The following LIG4 variants were observed in gnomAD, a reference collection of about 807,000 sequenced individuals.
LIG4 encodes DNA joinase.
LIG4 carries 13 observed loss-of-function variants against 19.0 expected under a neutral mutation model. The ratio of observed to expected loss-of-function variants is 0.68; its 90% confidence interval spans 0.44 to 1.09. The LOEUF (loss-of-function observed/expected upper bound fraction) is 1.09, where lower values mean the gene tolerates loss of function less well. Among genes scored for constraint, LIG4 ranks in the 50% least tolerant of loss-of-function variants. The pLI, the probability that LIG4 is intolerant of heterozygous loss-of-function variation, is 0.00. For missense variants in LIG4, 1,026 were observed against 1,089.7 expected, an observed-to-expected ratio of 0.94 and a Z score of 0.82; for synonymous variants, 361 against 358.2, an observed-to-expected ratio of 1.01 and a Z score of -0.09.
rs141316672 is a variant in LIG4, at chr13:108,210,024, A to T, written c.1245T>A (p.Ile415=). 5.0e-6 allele frequency: 8 copies of T among 1,612,170 alleles called. No homozygotes were observed. Among genetic ancestry groups the T allele is most frequent in the Non-Finnish European group, 6.8e-6 (8 of 1,179,970 alleles). The change falls in exon 3 of 3, where the codon ATT becomes ATA. Residue 415 remains isoleucine, a synonymous_variant. Coordinates refer to ENST00000442234, the MANE Select transcript of LIG4 (RefSeq NM_206937.2). ...KTQAHTKNEV[I]DALNEAIDKR... ...TATCTATTGCTTCATTCAATGCATC[A>T]ATTACTTCATTCTTAGTATGAGCTT...
Position 108,211,154 on chromosome 13 carries a change from A to C in LIG4, c.115T>G (p.Phe39Val). ...SKGRAEKIRH[F>V]REFLDSWRKF... Reference sequence around the variant, plus strand: ...CTCCAAGAATCTAAAAATTCCCTGAAGTGTCTGATTTTTTCTGCACGTCCT... The same window carrying C: ...CTCCAAGAATCTAAAAATTCCCTGACGTGTCTGATTTTTTCTGCACGTCCT... The change falls in exon 3 of 3, where the codon TTC (phenylalanine) becomes GTC (valine). Residue 39 changes from phenylalanine (F) to valine (V), a missense_variant. By Grantham distance (50) the Phe-to-Val change is conservative (BLOSUM62 -1). Transcript: ENST00000442234. 6.2e-7 allele frequency: 1 copy of C among 1,613,414 alleles called. No individual in the cohort carries two copies. The highest frequency in any genetic ancestry group is 1.3e-5 in the African/African-American group (1 of 75,030).
Position 108,209,097 on chromosome 13 carries a change from T to A in LIG4, c.2172A>T (p.Ala724=). 6.2e-7 allele frequency: 1 copy of A among 1,614,208 alleles called. No homozygotes were observed. The highest frequency in any genetic ancestry group is 8.5e-7 in the Non-Finnish European group (1 of 1,180,030). The change falls in exon 3 of 3, where the codon GCA becomes GCT. Residue 724 remains alanine (A), a synonymous_variant. Transcript: ENST00000442234. Reference sequence around the variant, plus strand: ...TGGTCTTAAAACATTCTAAAAGCCATGCAGGCTTGACAACATCATGTTTAT... The same window carrying A: ...TGGTCTTAAAACATTCTAAAAGCCAAGCAGGCTTGACAACATCATGTTTAT... The part of the protein sequence containing the change: ...LSNKHDVVKP[A]WLLECFKTKS...
Position 108,209,150 on chromosome 13 carries a change from T to A in LIG4, c.2119A>T (p.Ile707Phe), listed in dbSNP as rs370991186. 30 of 1,614,098 alleles carry A rather than the reference T, an allele frequency of 1.9e-5. No individual in the cohort carries two copies. Among genetic ancestry groups the A allele is most frequent in the Non-Finnish European group, 2.3e-5 (27 of 1,180,036 alleles). Reference protein sequence around the residue: ...TYCVIAGSENIRVKNIILSNK... With the variant: ...TYCVIAGSENFRVKNIILSNK... ...GACAAAATTATGTTTTTCACTCTGA[T>A]GTTCTCAGACCCTGCAATTACACAG... The change falls in exon 3 of 3, where the codon ATC becomes TTC. Residue 707 changes from isoleucine to phenylalanine, a missense_variant. Physicochemically the swap from Ile to Phe is conservative, Grantham distance 21. Around this residue, in one of 3 missense-constraint regions of LIG4, gnomAD observed 521 missense variants for 515.5 expected, o/e 1.01. Coordinates refer to ENST00000442234, the MANE Select transcript of LIG4 (RefSeq NM_206937.2).
At position 108,210,875 on chromosome 13, in the gene LIG4, C is replaced by A. The variant is rs370586288; in HGVS notation, c.394G>T (p.Val132Leu). The A allele has an allele frequency of 5.0e-6, 8 of 1,613,896 alleles. No homozygotes were observed. The Admixed American group carries it at 5.0e-5, about 10-fold the overall frequency. The change falls in exon 3 of 3, where the codon GTG (valine) becomes TTG (leucine). Residue 132 changes from valine to leucine, a missense_variant. This residue lies in a region of LIG4 where 493 missense variants were observed against 544.5 expected (regional missense o/e 0.91). Coordinates refer to ENST00000442234, the MANE Select transcript of LIG4 (RefSeq NM_206937.2). ...AGDFAMIAYF[V>L]LKPRCLQKGS... ...TTCTGTAAACATCTTGGCTTCAACA[C>A]AAAATATGCAATCATTGCAAAGTCT...
In LIG4 at chr13:108,209,480, C is replaced by T. The variant is rs752175319; in HGVS notation, c.1789G>A (p.Asp597Asn). The T allele has an allele frequency of 1.8e-5, 29 of 1,614,022 alleles. No homozygotes were observed. The highest frequency in any genetic ancestry group is 8.5e-7 in the Non-Finnish European group (1 of 1,180,032). The change falls in exon 3 of 3, where the codon GAC (aspartate) becomes AAC (asparagine). Residue 597 changes from aspartate to asparagine, a missense_variant. This residue lies in a region of LIG4 where 521 missense variants were observed against 515.5 expected (regional missense o/e 1.01). Coordinates refer to ENST00000442234, the MANE Select transcript of LIG4 (RefSeq NM_206937.2). Reference sequence around the variant, plus strand: ...TTCCCCCTAAGTTGTTCTAGGTCGTCCAGGGTCATGCACTCATGCCACTCC... The same window carrying T: ...TTCCCCCTAAGTTGTTCTAGGTCGTTCAGGGTCATGCACTCATGCCACTCC... ...DKEWHECMTL[D>N]DLEQLRGKAS...
At chr13:108,216,823 G>C (rs781040456), upstream of LIG4, among the ~76,000 whole-genome samples, 1 of 152,194 alleles carries the variant, frequency 6.6e-6, no homozygotes, top group African/African-American at 2.4e-5. Flanking sequence ...CATGAATTAT[G>C]AAACCAGGCA....
intron 2 of LIG4, among the ~76,000 whole-genome samples, chr13:108,211,653 C>T (rs1181102424): frequency 6.6e-6 from 1 of 152,130 alleles, no homozygotes; most frequent in African/African-American, 2.4e-5. Context: ...AAAAACTCAT[C>T]AGGCTTAATT....
chr13:108,215,846 C>T (rs1254279195), upstream of LIG4, among the ~76,000 whole-genome samples: 1 of 152,134 alleles, frequency 6.6e-6, no homozygotes, highest in African/African-American at 2.4e-5. Flanking sequence ...GTTCTCTGTA[C>T]GTAAAACAGT....
intron 2 of LIG4, among the ~76,000 whole-genome samples, chr13:108,214,251 G>A (rs1878974574): frequency 6.6e-6 from 1 of 152,162 alleles, no homozygotes; most frequent in Non-Finnish European, 1.5e-5. Flanking sequence ...AGGAAACAAA[G>A]GGTTTACAGC....
At chr13:108,213,713 G>A (rs1329475560) in intron 2 of LIG4, among the ~76,000 whole-genome samples, 1 of 152,168 alleles carries the variant, frequency 6.6e-6, no homozygotes, top group African/African-American at 2.4e-5. Flanking sequence ...TAATAAATCT[G>A]AGTTCAAATG....
chr13:108,207,728 C>T lies in LIG4; in HGVS notation c.*805G>A, dbSNP rs759241393. ...TATTTCTAATGAAAGTTACAATATG[C>T]ATGCCATATTGACACCTATTCAATA... On this transcript the variant is annotated 3_prime_UTR_variant, in exon 3 of 3. Transcript: ENST00000442234. The T allele has an allele frequency of 6.6e-6, 1 of 152,104 alleles. No individual in the cohort carries two copies. The highest frequency in any genetic ancestry group is 2.4e-5 in the African/African-American group (1 of 41,424). 9.4% of individuals were successfully genotyped at this position (152,104 alleles called of 1,614,324 possible).
In LIG4 at chr13:108,211,195, C is replaced by T. The variant is rs764191604; in HGVS notation, c.74G>A (p.Arg25Gln). The T allele has an allele frequency of 6.2e-6, 10 of 1,613,136 alleles. No individual in the cohort carries two copies. The highest frequency in any genetic ancestry group is 2.7e-5 in the African/African-American group (2 of 74,882). Residue 25 changes from arginine to glutamine, a missense_variant, in exon 3 of 3, where the codon CGA (arginine) becomes CAA (glutamine). Arg to Gln is a conservative substitution (Grantham distance 43, BLOSUM62 1). Coordinates refer to ENST00000442234, the MANE Select transcript of LIG4 (RefSeq NM_206937.2). ...PFADLCSTLE[R>Q]IQKSKGRAEK... ...TGCACGTCCTTTACTTTTCTGTATTCGTTCTAAAGTTGAACACAAATCTGC... is the reference window on the plus strand; with the variant it reads ...TGCACGTCCTTTACTTTTCTGTATTTGTTCTAAAGTTGAACACAAATCTGC...
At chr13:108,217,253 C>T (rs538977818), upstream of LIG4, among the ~76,000 whole-genome samples, 3 of 151,954 alleles carry the variant, frequency 2.0e-5, no homozygotes, top group East Asian at 3.9e-4. Flanking sequence ...TGGTGGCTCA[C>T]GCCTGTAATC....
intron 2 of LIG4, among the ~76,000 whole-genome samples, chr13:108,214,266 T>C (rs549212226): frequency 6.6e-6 from 1 of 152,336 alleles, no homozygotes; most frequent in South Asian, 2.1e-4. Context: ...TACAGCTGCC[T>C]ATCTTCCACA....
In LIG4 at chr13:108,211,229, C is replaced by G. The variant is rs111480660; in HGVS notation, c.40G>C (p.Val14Leu). 6.2e-7 allele frequency: 1 copy of G among 1,612,924 alleles called. No individual in the cohort carries two copies. Among genetic ancestry groups the G allele is most frequent in the African/African-American group, 1.3e-5 (1 of 75,006 alleles). ...GTTGAACACAAATCTGCAAAAGGAA[C>G]GTGAGATGCAACAGTTTGTGAAGTT... is the stretch of plus-strand genomic sequence containing the variant. ...SQTSQTVASH[V>L]PFADLCSTLE... The change falls in exon 3 of 3, where the codon GTT (valine) becomes CTT (leucine). Residue 14 changes from valine to leucine, a missense_variant. This residue lies in a region of LIG4 where 493 missense variants were observed against 544.5 expected (regional missense o/e 0.91). Coordinates refer to ENST00000442234, the MANE Select transcript of LIG4 (RefSeq NM_206937.2).
upstream of LIG4, among the ~76,000 whole-genome samples, chr13:108,215,995 A>T (rs538835861): frequency 3.3e-5 from 5 of 150,916 alleles, no homozygotes; most frequent in African/African-American, 1.2e-4. Context: ...TTTTTTTTTT[A>T]AATGATGTTT....
chr13:108,212,079 T>A (rs3093756), intron 2 of LIG4, among the ~76,000 whole-genome samples: 4,591 of 152,062 alleles, frequency 0.03, 238 homozygotes, highest in African/African-American at 0.11. Flanking sequence ...TCCATGCCAG[T>A]TATTCCCTGA....
At chr13:108,214,006 T>A (rs1878942158) in intron 2 of LIG4, among the ~76,000 whole-genome samples, 1 of 152,212 alleles carries the variant, frequency 6.6e-6, no homozygotes, top group Non-Finnish European at 1.5e-5. Flanking sequence ...AGCAAAGCTT[T>A]CAGGAGAATG....
chr13:108,211,593 T>C (rs532445410), intron 2 of LIG4, among the ~76,000 whole-genome samples: 2 of 152,284 alleles, frequency 1.3e-5, no homozygotes, highest in East Asian at 3.9e-4. Flanking sequence ...ATTCTATGTA[T>C]TAATTATTTA....
Sources: allele counts gnomAD v4.1 joint callset (sites outside exome capture counted in the v4.1 genomes callset), GRCh38; gene constraint gnomAD v4.1.1; regional missense constraint gnomAD v4.1.1; transcripts MANE v1.5; gene names NCBI Gene and HGNC (gene_info 2026-07-23, HGNC 2026-07-21).